GRIK4: variants seen among roughly 807,000 people sequenced by gnomAD.
GRIK4 encodes glutamate receptor ionotropic, kainate 4.
In GRIK4, 40 loss-of-function variants were observed where a neutral mutation model predicts 104.9. That is an observed-to-expected ratio of 0.38 (90% CI 0.30 to 0.50). GRIK4 has a LOEUF of 0.50. GRIK4 is among the 20% of genes least tolerant of loss of function. The pLI is 0.93. For synonymous variants in GRIK4, 485 were observed against 524.9 expected (o/e 0.92, Z 1.04); for missense variants, 1,047 against 1,308.1 (o/e 0.80, Z 3.08).
chr11:120,568,333 G>A (rs1045015681), intron 1 of GRIK4, among the ~76,000 whole-genome samples: 25 of 152,152 alleles, frequency 1.6e-4, no homozygotes, highest in Middle Eastern at 3.4e-3. Context: ...CTTCTGTTCT[G>A]TCCTCAGTGG....
intron 13 of GRIK4, among the ~76,000 whole-genome samples, chr11:120,911,857 A>G (rs1783233991): frequency 6.6e-6 from 1 of 151,104 alleles, no homozygotes; most frequent in Non-Finnish European, 1.5e-5. Context: ...AAAAAAAAAA[A>G]AGAAAAGAAA....
chr11:120,663,214 C>A (rs78225900), intron 3 of GRIK4, among the ~76,000 whole-genome samples: 2,498 of 152,268 alleles, frequency 0.016, 69 homozygotes, highest in African/African-American at 0.056. Context: ...CTTTGCACCC[C>A]CTTCATTACT....
intron 1 of GRIK4, among the ~76,000 whole-genome samples, chr11:120,552,486 C>T (rs780871271): frequency 1.6e-4 from 24 of 152,158 alleles, no homozygotes; most frequent in Non-Finnish European, 2.5e-4. Context: ...AAAAGCATAC[C>T]ATGGCAGCCT....
chr11:120,900,853 A>G (rs1466313824), intron 12 of GRIK4, among the ~76,000 whole-genome samples: 1 of 152,172 alleles, frequency 6.6e-6, no homozygotes, highest in Non-Finnish European at 1.5e-5. Flanking sequence ...AAATGCCAGA[A>G]AGATGAGAGG....
At chr11:120,589,282 C>T (rs954601894) in intron 1 of GRIK4, among the ~76,000 whole-genome samples, 2 of 152,166 alleles carry the variant, frequency 1.3e-5, no homozygotes, top group African/African-American at 2.4e-5. Flanking sequence ...TGCACTACAT[C>T]GTTTTAATTT....
chr11:120,588,480 T>A (rs1375651016), intron 1 of GRIK4, among the ~76,000 whole-genome samples: 2 of 152,054 alleles, frequency 1.3e-5, no homozygotes, highest in African/African-American at 4.8e-5. Context: ...TTTCCTTGGC[T>A]AATTTTTGAG....
Position 120,782,506 on chromosome 11 carries a change from C to T in GRIK4, c.83-20187C>T, listed in dbSNP as rs187354366. Among the ~76,000 whole-genome samples the T allele has an allele frequency of 2.8e-4, 42 of 152,220 alleles. 1 individual carries two copies. In the East Asian group the frequency reaches 7.5e-3, roughly 27 times the overall value. On this transcript the variant is annotated intron_variant, in intron 3 of 20. Transcript: ENST00000527524. ...TTCACCGTGTTAGCCAGGATGGTCT[C>T]GATCTCCTGACCTTGTGATCTGCCT...
chr11:120,606,357 AG>A (rs1353210658), intron 1 of GRIK4, among the ~76,000 whole-genome samples: 2 of 152,194 alleles, frequency 1.3e-5, no homozygotes, highest in Non-Finnish European at 2.9e-5. Flanking sequence ...TGGCAGGCCC[AG>A]GGCAGAATGG....
intron 4 of GRIK4, among the ~76,000 whole-genome samples, chr11:120,806,216 C>A (rs1382820504): frequency 6.6e-6 from 1 of 152,142 alleles, no homozygotes; most frequent in Non-Finnish European, 1.5e-5. Context: ...AGCCTCCCCC[C>A]TCTCTCTTGT....
At chr11:120,587,018 G>C (rs977708025) in intron 1 of GRIK4, among the ~76,000 whole-genome samples, 1 of 152,230 alleles carries the variant, frequency 6.6e-6, no homozygotes, top group African/African-American at 2.4e-5. Context: ...TGTAATAACA[G>C]TAGGAGTTAG....
At chr11:120,586,921 A>G (rs1591716094) in intron 1 of GRIK4, among the ~76,000 whole-genome samples, 1 of 152,228 alleles carries the variant, frequency 6.6e-6, no homozygotes, top group African/African-American at 2.4e-5. Context: ...AACTGGTGTC[A>G]GGTCTGATGC....
intron 11 of GRIK4, among the ~76,000 whole-genome samples, chr11:120,882,510 T>G (rs1954995205): frequency 6.6e-6 from 1 of 152,020 alleles, no homozygotes; most frequent in African/African-American, 2.4e-5. Flanking sequence ...ACTTTGCCTT[T>G]GATGAGGAAA....
At chr11:120,959,624 G>A (rs1027597384) in intron 16 of GRIK4, among the ~76,000 whole-genome samples, 1 of 152,232 alleles carries the variant, frequency 6.6e-6, no homozygotes, top group Non-Finnish European at 1.5e-5. Flanking sequence ...GAGAAGGCTT[G>A]TTTAACCTAC....
At chr11:120,693,659 C>G (rs1201222567) in intron 3 of GRIK4, among the ~76,000 whole-genome samples, 2 of 152,154 alleles carry the variant, frequency 1.3e-5, no homozygotes, top group Non-Finnish European at 2.9e-5. Flanking sequence ...GAGGCCTGGA[C>G]CTCTCTTGTA....
chr11:120,548,978 C>G (rs1005829414), intron 1 of GRIK4, among the ~76,000 whole-genome samples: 1 of 152,214 alleles, frequency 6.6e-6, no homozygotes, highest in African/African-American at 2.4e-5. Context: ...CAGGCTTGAC[C>G]TAGCTCCAGG....
intron 13 of GRIK4, among the ~76,000 whole-genome samples, chr11:120,911,835 C>A (rs1174100914): frequency 1.8e-5 from 2 of 112,472 alleles, no homozygotes; most frequent in African/African-American, 3.7e-5. Context: ...CAGAGTAAGA[C>A]TCCATCTCAA....
At chr11:120,649,773 A>G (rs569205852) in intron 1 of GRIK4, among the ~76,000 whole-genome samples, 140 of 152,342 alleles carry the variant, frequency 9.2e-4, no homozygotes, top group African/African-American at 3.3e-3. Flanking sequence ...GATGCCTAGC[A>G]GAGGAGAGAG....
chr11:120,879,791 C>T (rs1954914182), intron 11 of GRIK4, among the ~76,000 whole-genome samples: 1 of 152,198 alleles, frequency 6.6e-6, no homozygotes, highest in South Asian at 2.1e-4. Flanking sequence ...TCTCTGCTGT[C>T]CATCTCATAT....
chr11:120,891,781 G>T (rs143413353), intron 11 of GRIK4, among the ~76,000 whole-genome samples: 1 of 152,160 alleles, frequency 6.6e-6, no homozygotes. Context: ...GGAGGAGTCC[G>T]ACTTTGAGGG....
Sources: gnomAD v4.1 joint callset for allele counts (sites outside exome capture counted in the v4.1 genomes callset) on GRCh38, gnomAD v4.1.1 for gene constraint, MANE v1.5 for transcripts, NCBI Gene and HGNC (gene_info 2026-07-23, HGNC 2026-07-21) for gene names.